The following ADORA2A variants were observed in gnomAD, a reference collection of about 807,000 sequenced individuals.
ADORA2A encodes adenosine receptor A2a.
In ADORA2A, 11 loss-of-function variants were observed where a neutral mutation model predicts 18.4. The ratio of observed to expected loss-of-function variants is 0.60; its 90% CI spans 0.38 to 0.99. The LOEUF (loss-of-function observed/expected upper bound fraction) is 0.99. Among genes scored for constraint, ADORA2A ranks in the 50% least tolerant of loss-of-function variants. ADORA2A has a pLI of 0.01. For synonymous variants in ADORA2A, 218 were observed against 237.3 expected (o/e 0.92, Z 0.75); for missense variants, 449 against 556.1 (o/e 0.81, Z 1.94).
In ADORA2A at chr22:24,441,173, T is replaced by C. The variant is rs781051901; in HGVS notation, c.923T>C (p.Leu308Pro). The C allele has an allele frequency of 1.2e-5, 19 of 1,614,228 alleles. No individual in the cohort carries two copies. In the South Asian group the frequency reaches 2.0e-4, roughly 17 times the overall value. Residue 308 changes from leucine (L) to proline (P), a missense_variant, in exon 3 of 3, where the codon CTG becomes CCG. By Grantham distance (98) the Leu-to-Pro change is moderately conservative. Transcript: ENST00000337539. ...CGCAAGATCATTCGCAGCCACGTCC[T>C]GAGGCAGCAAGAACCTTTCAAGGCA... ...TFRKIIRSHV[L>P]RQQEPFKAAG...
intron 1 of ADORA2A, chr22:24,429,145 C>G (rs2042967065): frequency 6.6e-6 from 1 of 152,274 alleles, no homozygotes; most frequent in South Asian, 2.1e-4. Context: ...TAGCCACCAT[C>G]TGGGCATGTG....
rs539296282 is a variant in ADORA2A, at chr22:24,435,211, T to C, written c.332+1475T>C. ...GGATTGTCGGACTCCAAGTGCAGTCTCTGGTGAGCCTCCATCCATTGCTCT... is the reference window on the plus strand; with the variant it reads ...GGATTGTCGGACTCCAAGTGCAGTCCCTGGTGAGCCTCCATCCATTGCTCT... On this transcript the variant is annotated intron_variant, in intron 2 of 2. Coordinates refer to ENST00000337539, the MANE Select transcript of ADORA2A (RefSeq NM_000675.6). Among the ~76,000 whole-genome samples, 5 of 152,304 alleles carry C rather than the reference T, an allele frequency of 3.3e-5. No homozygotes were observed. In the South Asian group the frequency reaches 1.0e-3, roughly 32 times the overall value.
At chr22:24,438,368 G>A (rs1289725282) in intron 2 of ADORA2A, 1 of 152,224 alleles carries the variant, frequency 6.6e-6, no homozygotes, top group Non-Finnish European at 1.5e-5. Context: ...TAGCTTCCCA[G>A]TCAATGAGGA....
chr22:24,433,551 G>A lies in ADORA2A; in HGVS notation c.147G>A (p.Ala49=), dbSNP rs55661464. ...CCAACTACTTTGTGGTGTCACTGGCGGCGGCCGACATCGCAGTGGGTGTGC... is the reference window on the plus strand; with the variant it reads ...CCAACTACTTTGTGGTGTCACTGGCAGCGGCCGACATCGCAGTGGGTGTGC... ...NVTNYFVVSL[A]AADIAVGVLA... Residue 49 remains alanine, a synonymous_variant, in exon 2 of 3, where the codon GCG becomes GCA. Transcript: ENST00000337539. 1.1e-5 allele frequency: 17 copies of A among 1,613,982 alleles called. No individual in the cohort carries two copies. Among genetic ancestry groups the A allele is most frequent in the Middle Eastern group, 1.6e-4 (1 of 6,084 alleles).
At chr22:24,435,402 A>G (rs77524673) in intron 2 of ADORA2A, among the ~76,000 whole-genome samples, 6,663 of 152,286 alleles carry the variant, frequency 0.044, 491 homozygotes, top group African/African-American at 0.15. Flanking sequence ...TCTATGGGGA[A>G]GCAGAGGCCA....
intron 2 of ADORA2A, among the ~76,000 whole-genome samples, chr22:24,437,744 G>A (rs1357863838): frequency 2.0e-5 from 3 of 152,198 alleles, no homozygotes; most frequent in Admixed American, 1.3e-4. Flanking sequence ...GTCCCCACAC[G>A]GGACTTTCTT....
Position 24,439,873 on chromosome 22 carries a change from C to T in ADORA2A, c.333-710C>T, listed in dbSNP as rs2043290299. 1.3e-5 allele frequency among the ~76,000 whole-genome samples: 2 copies of T among 152,192 alleles called. 1 individual carries two copies. Among genetic ancestry groups the T allele is most frequent in the Non-Finnish European group, 2.9e-5 (2 of 68,038 alleles). On this transcript the variant is annotated intron_variant, in intron 2 of 2. Coordinates refer to ENST00000337539, the MANE Select transcript of ADORA2A (RefSeq NM_000675.6). ...CATGTAAATGTTAACAAGTAATTCT[C>T]TCATTTCTCTCCAGAGGGCTGTGGG... is the stretch of plus-strand genomic sequence containing the variant.
rs1359704217 is a variant in ADORA2A, at chr22:24,433,185, T to G, written c.-220T>G. The G allele has an allele frequency of 8.4e-6, 5 of 593,410 alleles. No homozygotes were observed. Among genetic ancestry groups the G allele is most frequent in the Non-Finnish European group, 1.5e-5 (5 of 333,044 alleles). 36.8% of individuals were successfully genotyped at this position (593,410 alleles called of 1,614,324 possible). A position where few individuals can be genotyped will look rare whatever the true frequency, so the allele number is the denominator to read the frequency against. On this transcript the variant is annotated 5_prime_UTR_variant, in exon 2 of 3. Coordinates refer to ENST00000337539, the MANE Select transcript of ADORA2A (RefSeq NM_000675.6). ...GCCATGATGCTGCTGCCAGAACCCC[T>G]GCAGAGGGCCTGGTTTCAGGAGACT...
chr22:24,437,303 C>T (rs1024345307), intron 2 of ADORA2A, among the ~76,000 whole-genome samples: 3 of 152,208 alleles, frequency 2.0e-5, no homozygotes, highest in Non-Finnish European at 4.4e-5. Flanking sequence ...GGTGGTGTGT[C>T]ACGCTAGACA....
chr22:24,435,511 TTC>T (rs765698281), intron 2 of ADORA2A, among the ~76,000 whole-genome samples: 7 of 152,254 alleles, frequency 4.6e-5, no homozygotes, highest in South Asian at 2.1e-4. Context: ...CTCCCTTTCC[TTC>T]TCTGTTTTCT....
chr22:24,439,072 C>G (rs865859013), intron 2 of ADORA2A, among the ~76,000 whole-genome samples: 2 of 73,094 alleles, frequency 2.7e-5, no homozygotes, highest in African/African-American at 9.0e-5. Flanking sequence ...CCCCTTGCAC[C>G]TTTTTTTTTT....
chr22:24,425,126 C>G (rs962050751), upstream of ADORA2A, among the ~76,000 whole-genome samples: 3 of 152,126 alleles, frequency 2.0e-5, no homozygotes, highest in African/African-American at 4.8e-5. Flanking sequence ...GCCGGCTCCC[C>G]CTGGGTTCCC....
chr22:24,441,087 C>T lies in ADORA2A; in HGVS notation c.837C>T (p.Thr279=). The T allele has an allele frequency of 6.2e-7, 1 of 1,614,176 alleles. No individual in the cohort carries two copies. The highest frequency in any genetic ancestry group is 8.5e-7 in the Non-Finnish European group (1 of 1,180,050). The part of the protein sequence containing the change: ...LMYLAIVLSH[T]NSVVNPFIYA... ...ACCTGGCCATCGTCCTCTCCCACAC[C>T]AATTCGGTTGTGAATCCCTTCATCT... The change falls in exon 3 of 3, where the codon ACC becomes ACT. Residue 279 remains threonine, a synonymous_variant. Coordinates refer to ENST00000337539, the MANE Select transcript of ADORA2A (RefSeq NM_000675.6).
chr22:24,424,125 C>A (rs1028048927), upstream of ADORA2A, among the ~76,000 whole-genome samples: 5 of 151,848 alleles, frequency 3.3e-5, no homozygotes, highest in Non-Finnish European at 5.9e-5. This position sits in a 1 kb window ranked among gnomAD's most constrained non-coding sequence, Gnocchi z 4.9. Flanking sequence ...CCTTTCCCGC[C>A]GCCCCGAGAC....
At chr22:24,429,414 G>C (rs1360496250) in intron 1 of ADORA2A, 1 of 152,258 alleles carries the variant, frequency 6.6e-6, no homozygotes, top group East Asian at 1.9e-4. Context: ...GGTAATCACA[G>C]AGAAGTATTA....
intron 1 of ADORA2A, chr22:24,431,021 G>A (rs1033286581): frequency 1.2e-5 from 5 of 409,752 alleles, no homozygotes; most frequent in Admixed American, 2.5e-5. Context: ...AGGGGCTATC[G>A]TGAGTCAGGT....
upstream of ADORA2A, among the ~76,000 whole-genome samples, chr22:24,426,937 G>A (rs2042924931): frequency 6.6e-6 from 1 of 152,220 alleles, no homozygotes. Flanking sequence ...CACCCCGCAG[G>A]GGAAGCTTGT....
chr22:24,441,358 A>G lies in ADORA2A; in HGVS notation c.1108A>G (p.Ser370Gly). The G allele has an allele frequency of 6.3e-7, 1 of 1,586,930 alleles. No individual in the cohort carries two copies. The change falls in exon 3 of 3, where the codon AGT becomes GGT. Residue 370 changes from serine to glycine, a missense_variant. Coordinates refer to ENST00000337539, the MANE Select transcript of ADORA2A (RefSeq NM_000675.6). ...GYALGLVSGG[S>G]AQESQGNTGL... ...TGCCCTGGGGCTGGTGAGTGGAGGG[A>G]GTGCCCAAGAGTCCCAGGGGAACAC...
chr22:24,440,842 T>G lies in ADORA2A; in HGVS notation c.592T>G (p.Leu198Val), dbSNP rs1409917906. ...VPLLLMLGVY[L>V]RIFLAARRQL... ...CCTGCTGCTCATGCTGGGTGTCTAT[T>G]TGCGGATCTTCCTGGCGGCGCGACG... The change falls in exon 3 of 3, where the codon TTG (leucine) becomes GTG (valine). Residue 198 changes from leucine (L) to valine (V), a missense_variant. Transcript: ENST00000337539. The G allele has an allele frequency of 6.2e-7, 1 of 1,614,192 alleles. No individual in the cohort carries two copies. The highest frequency in any genetic ancestry group is 8.5e-7 in the Non-Finnish European group (1 of 1,180,028).
Sources: gnomAD v4.1 joint callset for allele counts (sites outside exome capture counted in the v4.1 genomes callset) on GRCh38, gnomAD v4.1.1 for gene constraint, Gnocchi (gnomAD v3.1) non-coding constraint, MANE v1.5 for transcripts, NCBI Gene and HGNC (gene_info 2026-07-23, HGNC 2026-07-21) for gene names.